The following CAST variants were observed in gnomAD, a reference collection of about 807,000 sequenced individuals.
CAST encodes the protein MIR583 host.
A neutral mutation model predicts 119.6 loss-of-function variants in CAST; 76 were observed. That is an observed-to-expected ratio of 0.64 (90% CI 0.53 to 0.77). The LOEUF (loss-of-function observed/expected upper bound fraction) is 0.77. Ranked by LOEUF, CAST falls within the 30% of genes least tolerant of loss-of-function variation. The pLI, the probability that CAST is intolerant of heterozygous loss-of-function variation, is 0.00. For missense variants in CAST, 953 were observed against 946.5 expected, an observed-to-expected ratio of 1.01 and a Z score of -0.09; for synonymous variants, 319 against 331.6, an observed-to-expected ratio of 0.96 and a Z score of 0.41.
At chr5:96,268,820 C>T in the CAST span, among the ~76,000 whole-genome samples, 2 of 152,280 alleles carry the variant, frequency 1.3e-5, no homozygotes, top group African/African-American at 4.8e-5. Context: ...TGGTTTGGCT[C>T]TGTGTCCCTA....
the CAST span, among the ~76,000 whole-genome samples, chr5:95,966,649 T>C: frequency 6.6e-6 from 1 of 152,206 alleles, no homozygotes; most frequent in Non-Finnish European, 1.5e-5. Context: ...TCACTCTTAA[T>C]GGGGCTGAGT....
chr5:96,686,183 T>G (rs970004646), intron 2 of CAST, among the ~76,000 whole-genome samples: 3 of 151,834 alleles, frequency 2.0e-5, no homozygotes, highest in African/African-American at 7.3e-5. Flanking sequence ...TTTTTTTCAC[T>G]CTTTATTTCA....
intron 1 of CAST, among the ~76,000 whole-genome samples, chr5:96,632,530 T>G (rs1266493704): frequency 6.6e-6 from 1 of 152,186 alleles, no homozygotes; most frequent in Non-Finnish European, 1.5e-5. Flanking sequence ...ATCCCAGGTC[T>G]TAAAGATTTC....
At chr5:96,522,509 T>A (rs1172077896), upstream of CAST, among the ~76,000 whole-genome samples, 1 of 152,190 alleles carries the variant, frequency 6.6e-6, no homozygotes, top group Non-Finnish European at 1.5e-5. Flanking sequence ...GTAAAATGAA[T>A]GTTGCACAGT....
chr5:96,116,861 A>G, the CAST span, among the ~76,000 whole-genome samples: 1 of 152,218 alleles, frequency 6.6e-6, no homozygotes, highest in African/African-American at 2.4e-5. Flanking sequence ...ATGGTTTGCA[A>G]ATATTTTCTC....
intron 3 of CAST, among the ~76,000 whole-genome samples, chr5:96,696,605 G>T (rs1753317864): frequency 1.3e-5 from 2 of 150,008 alleles, no homozygotes; most frequent in Admixed American, 1.3e-4. Flanking sequence ...GGGAGGCTGA[G>T]GCAGGAGGAT....
the CAST span, among the ~76,000 whole-genome samples, chr5:96,033,910 G>A: frequency 6.6e-6 from 1 of 152,110 alleles, no homozygotes; most frequent in Non-Finnish European, 1.5e-5. Context: ...TATCTGATAA[G>A]GGGTTACTAT....
At chr5:96,299,371 T>A in the CAST span, among the ~76,000 whole-genome samples, 1 of 151,992 alleles carries the variant, frequency 6.6e-6, no homozygotes, top group Non-Finnish European at 1.5e-5. Context: ...AAGAAGGCAA[T>A]AGAAAAAGAC....
chr5:96,527,943 G>A (rs571844008), upstream of CAST, among the ~76,000 whole-genome samples: 27 of 152,218 alleles, frequency 1.8e-4, no homozygotes, highest in South Asian at 3.5e-3. Flanking sequence ...CAAGAGTGGC[G>A]TCATTTCCAA....
the CAST span, among the ~76,000 whole-genome samples, chr5:96,498,979 T>C: frequency 3.3e-5 from 5 of 150,844 alleles, no homozygotes; most frequent in African/African-American, 1.2e-4. Flanking sequence ...TTTCTTTCCC[T>C]TCTCCTTTAC....
At chr5:96,623,449 T>A (rs1383794233) in intron 1 of CAST, among the ~76,000 whole-genome samples, 1 of 152,208 alleles carries the variant, frequency 6.6e-6, no homozygotes, top group African/African-American at 2.4e-5. Flanking sequence ...CAGATACCTT[T>A]ACATTCATAT....
the CAST span, among the ~76,000 whole-genome samples, chr5:96,350,699 A>C: frequency 6.6e-6 from 1 of 151,790 alleles, no homozygotes; most frequent in Non-Finnish European, 1.5e-5. Flanking sequence ...TTTTCTTTTC[A>C]CACATTTTTC....
At chr5:96,644,333 A>G (rs1374301761) in intron 1 of CAST, among the ~76,000 whole-genome samples, 1 of 152,240 alleles carries the variant, frequency 6.6e-6, no homozygotes, top group Non-Finnish European at 1.5e-5. Context: ...AGGCATTCAC[A>G]GCAGAAGTAG....
intron 1 of CAST, among the ~76,000 whole-genome samples, chr5:96,572,858 G>T (rs1746594321): frequency 6.6e-6 from 1 of 152,230 alleles, no homozygotes; most frequent in South Asian, 2.1e-4. Context: ...TGTCTACCAA[G>T]TGTTGGCAGT....
chr5:96,522,483 T>C (rs1745534164), upstream of CAST, among the ~76,000 whole-genome samples: 1 of 152,196 alleles, frequency 6.6e-6, no homozygotes, highest in Admixed American at 6.5e-5. Flanking sequence ...GTAGCCTATG[T>C]CAAGTCCGTA....
chr5:96,218,905 C>T, the CAST span, among the ~76,000 whole-genome samples: 1 of 152,224 alleles, frequency 6.6e-6, no homozygotes, highest in East Asian at 1.9e-4. Flanking sequence ...TGAGCCTTTG[C>T]TTTGTTATGT....
At chr5:96,504,960 C>T in the CAST span, among the ~76,000 whole-genome samples, 1 of 152,122 alleles carries the variant, frequency 6.6e-6, no homozygotes, top group Non-Finnish European at 1.5e-5. Flanking sequence ...AGTCAGCTAC[C>T]AGTGTGGCCA....
chr5:96,056,052 G>T, the CAST span, among the ~76,000 whole-genome samples: 5 of 151,886 alleles, frequency 3.3e-5, no homozygotes, highest in East Asian at 9.7e-4. Flanking sequence ...TGAAAACATC[G>T]TTTTAAAGGG....
At chr5:96,690,359 G>A (rs1276387158) in intron 2 of CAST, among the ~76,000 whole-genome samples, 1 of 152,094 alleles carries the variant, frequency 6.6e-6, no homozygotes, top group East Asian at 1.9e-4. Flanking sequence ...AGCCTCCCAA[G>A]TAGCTGGGGT....
Sources: gnomAD v4.1 joint callset for allele counts (sites outside exome capture counted in the v4.1 genomes callset) on GRCh38, gnomAD v4.1.1 for gene constraint, MANE v1.5 for transcripts, NCBI Gene and HGNC (gene_info 2026-07-23, HGNC 2026-07-21) for gene names.